MAPK4: variants seen among roughly 807,000 people sequenced by gnomAD.
MAPK4 encodes the protein mitogen-activated protein kinase 4, also known as Erk3-related.
A neutral mutation model predicts 47.7 loss-of-function variants in MAPK4; 22 were observed. The observed-to-expected ratio is 0.46, with a 90% confidence interval of 0.33 to 0.66. The LOEUF is 0.66. Ranked by LOEUF, MAPK4 falls within the 30% of genes least tolerant of loss-of-function variation. The probability of loss-of-function intolerance (pLI) is 0.02; values close to 1 mark genes in which losing one functional copy is unlikely to be tolerated. For missense variants in MAPK4, 736 were observed against 831.7 expected (o/e 0.88, Z 1.42); for synonymous variants, 390 against 365.7 (o/e 1.07, Z -0.76).
chr18:50,654,816 G>T (rs1278032773), intron 1 of MAPK4, among the ~76,000 whole-genome samples: 6 of 152,224 alleles, frequency 3.9e-5, no homozygotes, highest in African/African-American at 1.4e-4. Context: ...TGTGGTGCTG[G>T]AGTTCCGACG....
intron 2 of MAPK4, among the ~76,000 whole-genome samples, chr18:50,700,975 C>G (rs547966512): frequency 6.6e-6 from 1 of 152,186 alleles, no homozygotes; most frequent in African/African-American, 2.4e-5. Flanking sequence ...AAAACCACAC[C>G]AGCTCCCCCT....
chr18:50,652,466 C>G (rs1200940570), intron 1 of MAPK4, among the ~76,000 whole-genome samples: 1 of 152,002 alleles, frequency 6.6e-6, no homozygotes, highest in African/African-American at 2.4e-5. Context: ...GTCAAGAACT[C>G]TATGAAATTT....
intron 1 of MAPK4, among the ~76,000 whole-genome samples, chr18:50,657,781 C>G (rs902038211): frequency 1.3e-5 from 2 of 152,000 alleles, no homozygotes; most frequent in Admixed American, 6.6e-5. Context: ...GATAGTCCCA[C>G]TGCTAAGGAT....
intron 1 of MAPK4, among the ~76,000 whole-genome samples, chr18:50,619,553 TCCTGGCCTCAAGCAGTCCTCCCA>T (rs1473063473): frequency 6.6e-6 from 1 of 152,152 alleles, no homozygotes; most frequent in Non-Finnish European, 1.5e-5. Flanking sequence ...GGTCTCAAAC[TCCTGGCCTCAAGCAGTCCTCCCA>T]CCTCAGCCTC....
chr18:50,619,360 C>T (rs150824749), intron 1 of MAPK4, among the ~76,000 whole-genome samples: 33 of 152,326 alleles, frequency 2.2e-4, no homozygotes, highest in African/African-American at 7.5e-4. Context: ...TGTTCCCCAG[C>T]CTGCAGTGTG....
At chr18:50,723,617 C>A (rs181787873) in intron 4 of MAPK4, among the ~76,000 whole-genome samples, 21 of 152,316 alleles carry the variant, frequency 1.4e-4, no homozygotes, top group Admixed American at 9.8e-4. Context: ...AATCCCAGCA[C>A]TTTGGGAGGC....
At chr18:50,562,029 T>C (rs2042158156) in intron 1 of MAPK4, among the ~76,000 whole-genome samples, 1 of 152,184 alleles carries the variant, frequency 6.6e-6, no homozygotes, top group Admixed American at 6.5e-5. Context: ...CTCAGTGCTT[T>C]AAACTAAATA....
Position 50,721,861 on chromosome 18 carries a change from C to T in MAPK4, c.692-77C>T, listed in dbSNP as rs111341088. 367 of 1,481,294 alleles carry T rather than the reference C, an allele frequency of 2.5e-4. 1 individual carries two copies. In the African/African-American group the frequency reaches 3.1e-3, roughly 12 times the overall value. The allele number at this position is 1,481,294 out of a possible 1,614,324, so 91.8% of individuals were successfully genotyped here. A position where few individuals can be genotyped will look rare whatever the true frequency, so the allele number is the denominator to read the frequency against. On this transcript the variant is annotated intron_variant, in intron 3 of 5. Coordinates refer to ENST00000400384, the MANE Select transcript of MAPK4 (RefSeq NM_002747.4). ...GCCCTGTGTTGTCCCTCCCAGAACA[C>T]CTGGCACTGCTTTTGGGCTACTGCA...
chr18:50,648,030 A>T (rs889716555), intron 1 of MAPK4, among the ~76,000 whole-genome samples: 1 of 151,930 alleles, frequency 6.6e-6, no homozygotes, highest in Non-Finnish European at 1.5e-5. Flanking sequence ...ACATGGTTGG[A>T]GGTATAAGGG....
intron 1 of MAPK4, among the ~76,000 whole-genome samples, chr18:50,560,480 C>G (rs892170567): frequency 1.3e-5 from 2 of 152,162 alleles, no homozygotes; most frequent in African/African-American, 2.4e-5. Flanking sequence ...CTGCAGACCG[C>G]GCGCCGGTGC....
At chr18:50,640,862 G>A (rs1369914021) in intron 1 of MAPK4, among the ~76,000 whole-genome samples, 2 of 152,142 alleles carry the variant, frequency 1.3e-5, no homozygotes, top group Non-Finnish European at 2.9e-5. Flanking sequence ...GCGCAGTCAG[G>A]GAAGGAGAGG....
intron 1 of MAPK4, among the ~76,000 whole-genome samples, chr18:50,620,919 T>C (rs2042726434): frequency 6.6e-6 from 1 of 152,174 alleles, no homozygotes; most frequent in South Asian, 2.1e-4. Context: ...CTAATAATTA[T>C]TTTATCTTAT....
Position 50,729,624 on chromosome 18 carries a change from G to T in MAPK4, c.1534G>T (p.Asp512Tyr). The T allele has an allele frequency of 7.2e-7, 1 of 1,393,948 alleles. No individual in the cohort carries two copies. The highest frequency in any genetic ancestry group is 9.3e-7 in the Non-Finnish European group (1 of 1,076,230). 86.3% of individuals were successfully genotyped at this position (1,393,948 alleles called of 1,614,324 possible). ...CCCAGAGCACGCCAGCCCGCCCGCCGACGACCCCGAGCGCCGCTTGTCTGC... is the reference window on the plus strand; with the variant it reads ...CCCAGAGCACGCCAGCCCGCCCGCCTACGACCCCGAGCGCCGCTTGTCTGC... ...GGPEHASPPA[D>Y]DPERRLSASP... Residue 512 changes from aspartate to tyrosine, a missense_variant, in exon 6 of 6, where the codon GAC becomes TAC. Physicochemically the swap from Asp to Tyr is radical, Grantham distance 160. Coordinates refer to ENST00000400384, the MANE Select transcript of MAPK4 (RefSeq NM_002747.4).
At chr18:50,683,835 G>A (rs57190435) in intron 2 of MAPK4, among the ~76,000 whole-genome samples, 4,059 of 152,212 alleles carry the variant, frequency 0.027, 99 homozygotes, top group African/African-American at 0.06. Flanking sequence ...GGAGCTGGGT[G>A]TAGGGTGGCA....
chr18:50,648,099 C>CAGAGAGAG (rs146378809), intron 1 of MAPK4, among the ~76,000 whole-genome samples: 1,506 of 147,078 alleles, frequency 0.01, 18 homozygotes, highest in African/African-American at 0.032. Context: ...AAGAAAGACC[C>CAGAGAGAG]AGAGAGAGAG....
Position 50,663,969 on chromosome 18 carries a change from A to G in MAPK4, c.11A>G (p.Lys4Arg). The stretch of plus-strand genomic sequence containing the variant: ...ATCACTGAGCCCACAATGGCTGAGA[A>G]GGGTGACTGCATCGCCAGTGTCTAT... Reference protein sequence around the residue: MAEKGDCIASVYGY... With the variant: MAERGDCIASVYGY... Residue 4 changes from lysine (K) to arginine (R), a missense_variant, in exon 2 of 6, where the codon AAG becomes AGG. Physicochemically the swap from Lys to Arg is conservative, Grantham distance 26. Around this residue, in one of 3 missense-constraint regions of MAPK4, gnomAD observed 327 missense variants for 395.4 expected, o/e 0.83. Transcript: ENST00000400384. 2 of 1,610,716 alleles carry G rather than the reference A, an allele frequency of 1.2e-6. No homozygotes were observed.
At chr18:50,587,791 C>T (rs886753530) in intron 1 of MAPK4, among the ~76,000 whole-genome samples, 5 of 152,276 alleles carry the variant, frequency 3.3e-5, no homozygotes, top group South Asian at 2.1e-4. Context: ...TGCAGTGGCG[C>T]GATCTCGGCT....
At chr18:50,690,700 C>T (rs548614936) in intron 2 of MAPK4, among the ~76,000 whole-genome samples, 13 of 152,174 alleles carry the variant, frequency 8.5e-5, no homozygotes, top group Non-Finnish European at 1.6e-4. Flanking sequence ...GGGAAGTAAA[C>T]CTACTTGTCA....
At chr18:50,707,849 G>A (rs1375131152) in intron 2 of MAPK4, among the ~76,000 whole-genome samples, 1 of 152,192 alleles carries the variant, frequency 6.6e-6, no homozygotes, top group Non-Finnish European at 1.5e-5. Context: ...GGAAACCTGG[G>A]AAGAGATGGT....
Sources: allele counts gnomAD v4.1 joint callset (sites outside exome capture counted in the v4.1 genomes callset), GRCh38; gene constraint gnomAD v4.1.1; regional missense constraint gnomAD v4.1.1; transcripts MANE v1.5; gene names NCBI Gene and HGNC (gene_info 2026-07-23, HGNC 2026-07-21).